ARFGEF3: variants seen among roughly 807,000 people sequenced by gnomAD.
ARFGEF3 encodes the protein brefeldin A-inhibited guanine nucleotide-exchange protein 3.
In ARFGEF3, 96 loss-of-function variants were observed where a neutral mutation model predicts 221.7. The observed-to-expected ratio is 0.43, with a 90% CI of 0.37 to 0.51. ARFGEF3 has a LOEUF of 0.51. ARFGEF3 is among the 20% of genes least tolerant of loss of function. ARFGEF3 has a pLI of 0.00. For missense variants in ARFGEF3, 2,410 were observed against 2,789.9 expected, an observed-to-expected ratio of 0.86 and a Z score of 3.07; for synonymous variants, 1,145 against 1,126.8, an observed-to-expected ratio of 1.02 and a Z score of -0.32.
chr6:138,323,636 A>AAC, intron 29 of ARFGEF3, 35 bp from the exon 30 acceptor site: 1 of 1,384,530 alleles, frequency 7.2e-7, no homozygotes, highest in Non-Finnish European at 9.9e-7. Context: ...CAACAACAAC[A>AAC]AAAAAAAAAC....
At position 138,303,826 on chromosome 6, in the gene ARFGEF3, C is replaced by G. The variant is rs976610538; in HGVS notation, c.3829-3427C>G. On this transcript the variant is annotated intron_variant, in intron 22 of 33. Coordinates refer to ENST00000251691, the MANE Select transcript of ARFGEF3 (RefSeq NM_020340.5). ...GCAGTGAGCCAAGATCGTGCCATTG[C>G]GCCCCAGCCTGGAGACAGAGTGAGA... Among the ~76,000 whole-genome samples the G allele has an allele frequency of 1.1e-4, 15 of 139,000 alleles. No individual in the cohort carries two copies. In the Admixed American group the frequency reaches 1.1e-3, roughly 10 times the overall value. 91.2% of individuals were successfully genotyped at this position (139,000 alleles called of 152,430 possible).
At chr6:138,176,899 ATTTTC>A (rs1233483921) in intron 2 of ARFGEF3, among the ~76,000 whole-genome samples, 1 of 151,328 alleles carries the variant, frequency 6.6e-6, no homozygotes, top group Non-Finnish European at 1.5e-5. Context: ...CTTGGTCGAC[ATTTTC>A]TTTTCTTTGT....
chr6:138,171,675 T>C (rs1295320821), intron 2 of ARFGEF3, among the ~76,000 whole-genome samples: 1 of 152,168 alleles, frequency 6.6e-6, no homozygotes, highest in African/African-American at 2.4e-5. Flanking sequence ...CTGATAACAG[T>C]TTAATAGATT....
chr6:138,199,787 G>A (rs1023430155), intron 2 of ARFGEF3, among the ~76,000 whole-genome samples: 1 of 152,120 alleles, frequency 6.6e-6, no homozygotes, highest in African/African-American at 2.4e-5. Context: ...GGAGTCCTTA[G>A]GGTTTTCGAG....
In ARFGEF3 at chr6:138,334,268, C is replaced by T. The variant is rs1187289582; in HGVS notation, c.5422C>T (p.Arg1808Cys). The change falls in exon 33 of 34, where the codon CGC becomes TGC. Residue 1808 changes from arginine to cysteine, a missense_variant. Coordinates refer to ENST00000251691, the MANE Select transcript of ARFGEF3 (RefSeq NM_020340.5). This position sits in a 1 kb window ranked among gnomAD's most constrained non-coding sequence, Gnocchi z 5.1. ...CATCGGGGGCGCCGCCAACCTCTAC[C>T]GCCAGTCTGCGATGAGCTTTAACAT... ...SGIGGAANLY[R>C]QSAMSFNIYF... is the part of the protein sequence containing the mutation. The T allele has an allele frequency of 1.5e-5, 25 of 1,613,554 alleles. No individual in the cohort carries two copies. The highest frequency in any genetic ancestry group is 2.1e-5 in the Non-Finnish European group (25 of 1,179,766).
chr6:138,214,617 A>T (rs191282929), intron 4 of ARFGEF3, among the ~76,000 whole-genome samples: 1 of 152,238 alleles, frequency 6.6e-6, no homozygotes, highest in South Asian at 2.1e-4. Context: ...AGATTGAACC[A>T]TGTCACACTC....
intron 4 of ARFGEF3, chr6:138,216,102 T>C (rs11967441): frequency 0.21 from 31,320 of 151,602 alleles, 5,037 homozygotes; most frequent in African/African-American, 0.43. Context: ...CTCAGCCTCC[T>C]GAGTAGCTGG....
Position 138,296,924 on chromosome 6 carries a change from G to A in ARFGEF3, c.3617G>A (p.Cys1206Tyr). ...KARPLLHVMRCWSLVAPHLVE... is the reference protein window; with the variant it reads ...KARPLLHVMRYWSLVAPHLVE... ...CGGCCCCTGCTCCACGTGATGCGCT[G>A]CTGGAGCCTTGTGGCCCCACACCTG... Residue 1206 changes from cysteine to tyrosine, a missense_variant, in exon 21 of 34, where the codon TGC becomes TAC. Cys to Tyr is a radical substitution (Grantham distance 194, BLOSUM62 -2). Coordinates refer to ENST00000251691, the MANE Select transcript of ARFGEF3 (RefSeq NM_020340.5). 1 of 1,613,788 alleles carries A rather than the reference G, an allele frequency of 6.2e-7. No individual in the cohort carries two copies. The highest frequency in any genetic ancestry group is 8.5e-7 in the Non-Finnish European group (1 of 1,179,814).
At chr6:138,220,866 A>C (rs1250119094) in intron 4 of ARFGEF3, among the ~76,000 whole-genome samples, 1 of 152,270 alleles carries the variant, frequency 6.6e-6, no homozygotes, top group African/African-American at 2.4e-5. Context: ...TTGCCTTGCC[A>C]TATAAACACA....
At chr6:138,289,776 C>G (rs1199497191) in intron 17 of ARFGEF3, 42 bp from the exon 18 acceptor site, 1 of 1,586,402 alleles carries the variant, frequency 6.3e-7, no homozygotes, top group Admixed American at 1.8e-5. Context: ...TTCTGTCTCC[C>G]TTACTCAACC....
At chr6:138,165,606 CCACTGAGACCCTCA>C (rs1277776419) in intron 1 of ARFGEF3, among the ~76,000 whole-genome samples, 6 of 151,642 alleles carry the variant, frequency 4.0e-5, no homozygotes, top group Non-Finnish European at 7.4e-5. Flanking sequence ...GAGTCATTCC[CCACTGAGACCCTCA>C]TGGGAGAGAG....
chr6:138,333,419 A>ATAACTTATATTCTATAGCTTT (rs1411315860), intron 32 of ARFGEF3, among the ~76,000 whole-genome samples: 13 of 151,838 alleles, frequency 8.6e-5, no homozygotes, highest in African/African-American at 2.9e-4. Flanking sequence ...ATTTGGCATA[A>ATAACTTATATTCTATAGCTTT]TAACTTATAT....
At chr6:138,182,391 C>T (rs1777093656) in intron 2 of ARFGEF3, among the ~76,000 whole-genome samples, 1 of 152,180 alleles carries the variant, frequency 6.6e-6, no homozygotes, top group Non-Finnish European at 1.5e-5. Context: ...TGCTATATTT[C>T]GCCATTGCCC....
At chr6:138,296,685 T>C in intron 20 of ARFGEF3, 125 bp from the exon 21 acceptor site, 1 of 1,135,260 alleles carries the variant, frequency 8.8e-7, no homozygotes, top group Non-Finnish European at 1.3e-6. Flanking sequence ...CCTCCTCCCT[T>C]GGTTAGCCAA....
rs1396686133 is a variant in ARFGEF3, at chr6:138,328,131, C to A, written c.5112C>A (p.His1704Gln). ...CTCCTGATGAAAAACCAAATGGACACACCAAGAAAAGGTAAGTACCTAAAT... is the reference window on the plus strand; with the variant it reads ...CTCCTGATGAAAAACCAAATGGACAAACCAAGAAAAGGTAAGTACCTAAAT... Reference protein sequence around the residue: ...ELPPDEKPNGHTKKSVSFREI... With the variant: ...ELPPDEKPNGQTKKSVSFREI... The change falls in exon 32 of 34, where the codon CAC becomes CAA. Residue 1704 changes from histidine (H) to glutamine (Q), a missense_variant. His to Gln is a conservative substitution (Grantham distance 24, BLOSUM62 0). Coordinates refer to ENST00000251691, the MANE Select transcript of ARFGEF3 (RefSeq NM_020340.5). The A allele has an allele frequency of 2.5e-6, 4 of 1,594,280 alleles. No homozygotes were observed. Among genetic ancestry groups the A allele is most frequent in the Non-Finnish European group, 3.4e-6 (4 of 1,169,764 alleles).
At chr6:138,260,697 T>C (rs773440722) in intron 10 of ARFGEF3, among the ~76,000 whole-genome samples, 1 of 151,740 alleles carries the variant, frequency 6.6e-6, no homozygotes, top group Non-Finnish European at 1.5e-5. Context: ...GACAAGGAAA[T>C]ATAGGGGATT....
At chr6:138,213,012 A>T (rs1037739996) in intron 4 of ARFGEF3, among the ~76,000 whole-genome samples, 16 of 151,984 alleles carry the variant, frequency 1.1e-4, no homozygotes, top group African/African-American at 1.9e-4. Context: ...AAGTATAATT[A>T]AAAAAATACC....
rs1232796434 is a variant in ARFGEF3 at position 138,343,463 on chromosome 6, T to TG, written c.*6977_*6978insG. ...TGTGGATGGAAATAAGGGTGTTTTTTTTTGGTTTTTTTTTTACTTTAGTTT... is the reference window on the plus strand; with the variant it reads ...TGTGGATGGAAATAAGGGTGTTTTTTGTTTGGTTTTTTTTTTACTTTAGTTT... On this transcript the variant is annotated 3_prime_UTR_variant, in exon 34 of 34. Transcript: ENST00000251691. The TG allele has an allele frequency of 7.4e-6, 1 of 134,922 alleles. No homozygotes were observed. Among genetic ancestry groups the TG allele is most frequent in the African/African-American group, 3.8e-5 (1 of 26,070 alleles). 8.4% of individuals were successfully genotyped at this position (134,922 alleles called of 1,614,324 possible).
chr6:138,184,409 C>T (rs1437101084), intron 2 of ARFGEF3, among the ~76,000 whole-genome samples: 1 of 152,046 alleles, frequency 6.6e-6, no homozygotes, highest in Non-Finnish European at 1.5e-5. Context: ...AATGAAATGT[C>T]ACTAGTAAAC....
Sources: gnomAD v4.1 joint callset for allele counts (sites outside exome capture counted in the v4.1 genomes callset) on GRCh38, gnomAD v4.1.1 for gene constraint, Gnocchi (gnomAD v3.1) non-coding constraint, MANE v1.5 for transcripts, NCBI Gene and HGNC (gene_info 2026-07-23, HGNC 2026-07-21) for gene names.